RBFOX1: variants seen among roughly 807,000 people sequenced by gnomAD.
The protein encoded by RBFOX1 is RNA binding fox-1 homolog 1.
Under a neutral mutation model 57.7 loss-of-function variants are expected in RBFOX1, and 8 were observed. The observed-to-expected ratio is 0.14, with a 90% CI of 0.08 to 0.25. The LOEUF is 0.25. RBFOX1 is among the 10% of genes least tolerant of loss of function. The pLI is 1.00. For synonymous variants in RBFOX1, 326 were observed against 222.4 expected (o/e 1.47, Z -4.15); for missense variants, 611 against 548.5 (o/e 1.11, Z -1.14).
chr16:6,947,633 A>G (rs1240148228), intron 3 of RBFOX1, among the ~76,000 whole-genome samples: 3 of 152,240 alleles, frequency 2.0e-5, no homozygotes. Context: ...GGTTCCAGAC[A>G]GAATGGATTT....
chr16:6,977,162 ATAT>A, intron 3 of RBFOX1, among the ~76,000 whole-genome samples: 1 of 145,904 alleles, frequency 6.9e-6, no homozygotes, highest in Non-Finnish European at 1.5e-5. Flanking sequence ...TATATATCAT[ATAT>A]TATCATATAT....
At chr16:5,458,281 A>C (rs28633843) in intron 1 of RBFOX1, among the ~76,000 whole-genome samples, 2 of 151,854 alleles carry the variant, frequency 1.3e-5, no homozygotes, top group African/African-American at 4.8e-5. Context: ...GTCATTTTCT[A>C]TGTCATCGAT....
intron 3 of RBFOX1, among the ~76,000 whole-genome samples, chr16:5,718,273 G>A (rs2051793687): frequency 6.6e-6 from 1 of 152,220 alleles, no homozygotes; most frequent in Non-Finnish European, 1.5e-5. Flanking sequence ...GAGCTTGCAT[G>A]AACCCAATGT....
intron 2 of RBFOX1, among the ~76,000 whole-genome samples, chr16:6,339,687 T>A (rs537360720): frequency 7.1e-6 from 1 of 141,670 alleles, no homozygotes; most frequent in Non-Finnish European, 1.5e-5. Flanking sequence ...TTATTTTATT[T>A]TTTGAGAGAG....
intron 3 of RBFOX1, among the ~76,000 whole-genome samples, chr16:6,904,118 T>A (rs113928503): frequency 0.03 from 4,502 of 152,256 alleles, 222 homozygotes; most frequent in African/African-American, 0.1. Context: ...CTATACCTAA[T>A]AGTGCAGTTC....
chr16:5,611,785 T>A, intron 3 of RBFOX1, among the ~76,000 whole-genome samples: 1 of 107,688 alleles, frequency 9.3e-6, no homozygotes, highest in Non-Finnish European at 2.0e-5. Flanking sequence ...CATCCATCCA[T>A]CCATCCATCC....
intron 4 of RBFOX1, among the ~76,000 whole-genome samples, chr16:7,222,497 A>G (rs1168928194): frequency 6.6e-6 from 1 of 152,166 alleles, no homozygotes; most frequent in African/African-American, 2.4e-5. Context: ...GGAAGTGACA[A>G]CCTAATGCAT....
At chr16:6,223,966 C>G (rs2097396897) in intron 1 of RBFOX1, among the ~76,000 whole-genome samples, 1 of 152,144 alleles carries the variant, frequency 6.6e-6, no homozygotes, top group South Asian at 2.1e-4. Flanking sequence ...GGACTCCTTT[C>G]CCCATTGCTT....
intron 4 of RBFOX1, among the ~76,000 whole-genome samples, chr16:6,013,885 T>C (rs929628283): frequency 6.6e-6 from 1 of 150,716 alleles, no homozygotes; most frequent in African/African-American, 2.4e-5. Flanking sequence ...CACCGCATGT[T>C]TTCACTCACA....
At chr16:7,504,719 A>ATT (rs2072231106) in intron 4 of RBFOX1, among the ~76,000 whole-genome samples, 1 of 5,746 alleles carries the variant, frequency 1.7e-4, no homozygotes. Flanking sequence ...TTATATATAT[A>ATT]TATATATATA....
chr16:6,383,859 G>A (rs763617879), intron 2 of RBFOX1, among the ~76,000 whole-genome samples: 5 of 152,072 alleles, frequency 3.3e-5, no homozygotes, highest in Non-Finnish European at 5.9e-5. Flanking sequence ...CAAAGTACAA[G>A]CCACCACTAA....
intron 1 of RBFOX1, among the ~76,000 whole-genome samples, chr16:6,096,713 A>G (rs558236753): frequency 3.3e-5 from 5 of 152,204 alleles, no homozygotes; most frequent in Non-Finnish European, 7.3e-5. Context: ...TTATCTGGTT[A>G]CCATCATTGT....
At chr16:7,341,198 T>C (rs1167423093) in intron 4 of RBFOX1, among the ~76,000 whole-genome samples, 3 of 152,182 alleles carry the variant, frequency 2.0e-5, no homozygotes, top group Non-Finnish European at 4.4e-5. Flanking sequence ...GTTCACTTGA[T>C]TCACTGCTGA....
At chr16:5,715,057 C>G (rs997502452) in intron 3 of RBFOX1, among the ~76,000 whole-genome samples, 1 of 152,198 alleles carries the variant, frequency 6.6e-6, no homozygotes, top group African/African-American at 2.4e-5. Context: ...ACTTTTCCTG[C>G]TTCTCCAGTC....
At chr16:6,346,721 G>C (rs942530302) in intron 2 of RBFOX1, among the ~76,000 whole-genome samples, 5 of 152,200 alleles carry the variant, frequency 3.3e-5, no homozygotes, top group Non-Finnish European at 7.3e-5. Flanking sequence ...CTCAAGAAAT[G>C]CCTTTTTGAG....
At chr16:6,547,184 A>G (rs898889638) in intron 2 of RBFOX1, among the ~76,000 whole-genome samples, 3 of 152,184 alleles carry the variant, frequency 2.0e-5, no homozygotes, top group Non-Finnish European at 4.4e-5. Context: ...AACGTTTATT[A>G]TAAAATGCTC....
chr16:5,867,234 A>G lies in RBFOX1; in HGVS notation c.319-69A>G, dbSNP rs1002831904. 3.7e-6 allele frequency: 4 copies of G among 1,092,208 alleles called. No individual in the cohort carries two copies. The African/African-American group carries it at 6.5e-5, about 18-fold the overall frequency. 67.7% of individuals were successfully genotyped at this position (1,092,208 alleles called of 1,614,324 possible). Reference sequence around the variant, plus strand: ...ACAAATTATTGATGCCAGTTCCTTTAAAAAGACAATTAATCCAATTACCTT... The same window carrying G: ...ACAAATTATTGATGCCAGTTCCTTTGAAAAGACAATTAATCCAATTACCTT... On this transcript the variant is annotated intron_variant, in intron 3 of 19. Transcript: ENST00000641259.
At chr16:5,488,010 T>G (rs2042691468) in intron 2 of RBFOX1, among the ~76,000 whole-genome samples, 1 of 151,174 alleles carries the variant, frequency 6.6e-6, no homozygotes, top group Non-Finnish European at 1.5e-5. Flanking sequence ...ATAATAGTGA[T>G]GATGATGATG....
At chr16:5,494,089 C>T (rs2042922384) in intron 2 of RBFOX1, among the ~76,000 whole-genome samples, 1 of 152,170 alleles carries the variant, frequency 6.6e-6, no homozygotes, top group African/African-American at 2.4e-5. Context: ...GTGTTCCTTT[C>T]TGCTTGTCCT....
Sources: gnomAD v4.1 joint callset for allele counts (sites outside exome capture counted in the v4.1 genomes callset) on GRCh38, gnomAD v4.1.1 for gene constraint, MANE v1.5 for transcripts, NCBI Gene and HGNC (gene_info 2026-07-23, HGNC 2026-07-21) for gene names.